Variants in XPO6 observed in about 807,000 individuals in gnomAD.
XPO6 encodes the protein exportin 6, also known as exportin-6.
Under a neutral mutation model 130.0 loss-of-function variants are expected in XPO6, and 3 were observed. The ratio of observed to expected loss-of-function variants is 0.02; its 90% CI spans 0.01 to 0.06. The LOEUF (loss-of-function observed/expected upper bound fraction) is 0.06. XPO6 is among the 10% of genes least tolerant of loss of function. XPO6 has a pLI of 1.00. For synonymous variants in XPO6, 524 were observed against 548.9 expected (o/e 0.95, Z 0.63); for missense variants, 970 against 1,393.0 (o/e 0.70, Z 4.83).
rs113189417 is a variant in XPO6, at chr16:28,162,560, A to AT, written c.643+3947dup. ...TGAAGACATGGTTGGCATATTTGTA[A>AT]TTTTTTTTTTTTTTTTTTGGAGACA... On this transcript the variant is annotated intron_variant, in intron 6 of 23. Transcript: ENST00000304658. 4.9e-3 allele frequency among the ~76,000 whole-genome samples: 690 copies of AT among 140,054 alleles called. 1 individual carries two copies. Among genetic ancestry groups the AT allele is most frequent in the Middle Eastern group, 0.015 (4 of 268 alleles). 91.9% of individuals were successfully genotyped at this position (140,054 alleles called of 152,430 possible).
chr16:28,107,437 G>A lies in XPO6; in HGVS notation c.2497+85C>T, dbSNP rs139273032. ...AACAAGTCAAGGCCTGTACTGCACC[G>A]ACTCAGTGTGTTCTACAGATCTAAG... On this transcript the variant is annotated intron_variant, in intron 18 of 23. Coordinates refer to ENST00000304658, the MANE Select transcript of XPO6 (RefSeq NM_015171.4). The A allele has an allele frequency of 5.7e-5, 85 of 1,495,350 alleles. No individual in the cohort carries two copies. In the African/African-American group the frequency reaches 8.3e-4, roughly 15 times the overall value. The allele number at this position is 1,495,350 out of a possible 1,614,324, so 92.6% of individuals were successfully genotyped here.
chr16:28,171,467 A>G (rs927948833), intron 4 of XPO6, among the ~76,000 whole-genome samples: 2 of 151,422 alleles, frequency 1.3e-5, no homozygotes, highest in African/African-American at 4.9e-5. Context: ...AAAAAAAAAA[A>G]AAAAAAGAAA....
At chr16:28,202,866 G>C (rs1342590616) in intron 1 of XPO6, among the ~76,000 whole-genome samples, 2 of 152,184 alleles carry the variant, frequency 1.3e-5, no homozygotes, top group African/African-American at 2.4e-5. Context: ...AAGAAAAGGA[G>C]ATCAGTGGCT....
At chr16:28,152,104 G>A (rs1332176363) in intron 8 of XPO6, among the ~76,000 whole-genome samples, 1 of 151,302 alleles carries the variant, frequency 6.6e-6, no homozygotes. Context: ...ACACATACTA[G>A]AATGACTAGG....
At chr16:28,121,985 C>G (rs1487443474) in intron 13 of XPO6, among the ~76,000 whole-genome samples, 1 of 151,070 alleles carries the variant, frequency 6.6e-6, no homozygotes, top group Admixed American at 6.6e-5. Context: ...GTGTCAAAAA[C>G]TTTGAAAACA....
intron 1 of XPO6, among the ~76,000 whole-genome samples, chr16:28,207,816 C>G (rs1200189366): frequency 2.6e-5 from 4 of 152,178 alleles, no homozygotes; most frequent in African/African-American, 9.7e-5. Context: ...TGGAACCTAG[C>G]AGAGTTGGTG....
At chr16:28,162,230 A>C (rs1440531725) in intron 6 of XPO6, among the ~76,000 whole-genome samples, 3 of 152,228 alleles carry the variant, frequency 2.0e-5, no homozygotes, top group Admixed American at 2.0e-4. Flanking sequence ...GGGGTGAGGG[A>C]AAGAACCTGT....
chr16:28,106,748 C>A lies in XPO6; in HGVS notation c.2498-251G>T, dbSNP rs1283409936. On this transcript the variant is annotated intron_variant, in intron 18 of 23. Transcript: ENST00000304658. The surrounding 1 kb of genome is among the most constrained non-coding windows in gnomAD (Gnocchi z 4.2). ...TACAGGAAATGAAGGTCATCTCGAA[C>A]CCTCCCTCATTGCCCGACATCCAGT... 2.0e-5 allele frequency among the ~76,000 whole-genome samples: 3 copies of A among 152,180 alleles called. No individual in the cohort carries two copies. Among genetic ancestry groups the A allele is most frequent in the Non-Finnish European group, 4.4e-5 (3 of 68,026 alleles).
In XPO6 at chr16:28,184,178, G is replaced by T. The variant is rs141306909; in HGVS notation, c.4-3147C>A. 4.5e-3 allele frequency among the ~76,000 whole-genome samples: 686 copies of T among 152,294 alleles called. 6 individuals are homozygous for T. The highest frequency in any genetic ancestry group is 0.016 in the African/African-American group (666 of 41,544). On this transcript the variant is annotated intron_variant, in intron 1 of 23. Transcript: ENST00000304658. The stretch of plus-strand genomic sequence containing the variant: ...AAATCCAAGTGCCATCGTGTGGTAG[G>T]GAGACAAGGCTTCCATTCCCAAAGG...
rs1463022286 is a variant in XPO6, at chr16:28,098,249, T to G, written c.*289A>C. 1 of 323,546 alleles carries G rather than the reference T, an allele frequency of 3.1e-6. No homozygotes were observed. The highest frequency in any genetic ancestry group is 5.8e-6 in the Non-Finnish European group (1 of 173,578). 20.0% of individuals were successfully genotyped at this position (323,546 alleles called of 1,614,324 possible). On this transcript the variant is annotated 3_prime_UTR_variant, in exon 24 of 24. Transcript: ENST00000304658. ...TGCCCCATGAGCCACGTGCGCCTGG[T>G]CTGCATGGGCCACCCCGCGGGATTT...
At chr16:28,190,934 G>C (rs577756596) in intron 1 of XPO6, among the ~76,000 whole-genome samples, 1 of 152,192 alleles carries the variant, frequency 6.6e-6, no homozygotes, top group Non-Finnish European at 1.5e-5. Context: ...ATTAACGGTA[G>C]GTGAGTTTGG....
At chr16:28,104,076 A>G (rs1301599896) in intron 21 of XPO6, among the ~76,000 whole-genome samples, 3 of 152,122 alleles carry the variant, frequency 2.0e-5, no homozygotes, top group South Asian at 4.1e-4. Flanking sequence ...ACTCTCTCCA[A>G]TGGACAGCTG....
intron 4 of XPO6, among the ~76,000 whole-genome samples, chr16:28,171,541 A>G (rs539054714): frequency 6.6e-6 from 1 of 150,720 alleles, no homozygotes; most frequent in Admixed American, 6.6e-5. Context: ...CAAAGCAAGG[A>G]AAAGCTCACC....
At chr16:28,124,887 C>T (rs2087352815) in intron 13 of XPO6, among the ~76,000 whole-genome samples, 1 of 152,214 alleles carries the variant, frequency 6.6e-6, no homozygotes, top group African/African-American at 2.4e-5. Flanking sequence ...GATGCGGCTG[C>T]TGGGCCAGTC....
In XPO6 at chr16:28,211,805, C is replaced by T. The variant is rs566629436; in HGVS notation, c.-437G>A. The T allele has an allele frequency of 4.9e-4, 119 of 244,636 alleles. No individual in the cohort carries two copies. The highest frequency in any genetic ancestry group is 2.6e-3 in the African/African-American group (113 of 44,050). The allele number at this position is 244,636 out of a possible 1,614,324, so 15.2% of individuals were successfully genotyped here. On this transcript the variant is annotated 5_prime_UTR_variant, in exon 1 of 24. Coordinates refer to ENST00000304658, the MANE Select transcript of XPO6 (RefSeq NM_015171.4). ...GCCTCGACCGCGCGGCCCAGGCGGCCGGCTCAGGGGAGAGGCCCGGGGGCC... is the reference window on the plus strand; with the variant it reads ...GCCTCGACCGCGCGGCCCAGGCGGCTGGCTCAGGGGAGAGGCCCGGGGGCC...
At chr16:28,195,042 C>A (rs1289875326) in intron 1 of XPO6, among the ~76,000 whole-genome samples, 1 of 151,716 alleles carries the variant, frequency 6.6e-6, no homozygotes, top group Non-Finnish European at 1.5e-5. Flanking sequence ...TCCCCACCCT[C>A]AGAGCTCCTC....
chr16:28,103,807 G>A (rs1172760707), intron 21 of XPO6, among the ~76,000 whole-genome samples: 2 of 152,260 alleles, frequency 1.3e-5, no homozygotes, highest in Non-Finnish European at 2.9e-5. Context: ...GCATGCGCAC[G>A]TGCATGCCTG....
At chr16:28,139,182 T>C (rs1195153780) in intron 9 of XPO6, among the ~76,000 whole-genome samples, 1 of 152,186 alleles carries the variant, frequency 6.6e-6, no homozygotes, top group Non-Finnish European at 1.5e-5. Flanking sequence ...CTGTTGCCCT[T>C]ATGAGAAGAT....
intron 9 of XPO6, among the ~76,000 whole-genome samples, chr16:28,145,760 T>C (rs1567620066): frequency 1.3e-5 from 2 of 152,186 alleles, no homozygotes; most frequent in African/African-American, 4.8e-5. Flanking sequence ...CTACCCCCAC[T>C]GGGTTATTTA....
Sources: gnomAD v4.1 joint callset for allele counts (sites outside exome capture counted in the v4.1 genomes callset) on GRCh38, gnomAD v4.1.1 for gene constraint, Gnocchi (gnomAD v3.1) non-coding constraint, MANE v1.5 for transcripts, NCBI Gene and HGNC (gene_info 2026-07-23, HGNC 2026-07-21) for gene names.